The following RLIG1 variants were observed in gnomAD, a reference collection of about 807,000 sequenced individuals.
RLIG1 encodes the protein RNA ligase 1.
At chr12:88,037,150 A>G in the RLIG1 span, among the ~76,000 whole-genome samples, 3 of 152,256 alleles carry the variant, frequency 2.0e-5, no homozygotes, top group Admixed American at 6.5e-5. Flanking sequence ...GAACATATCA[A>G]CCACAATCCT....
chr12:88,047,858 A>G, the RLIG1 span, among the ~76,000 whole-genome samples: 1 of 152,030 alleles, frequency 6.6e-6, no homozygotes, highest in African/African-American at 2.4e-5. Flanking sequence ...ACTCCATTCT[A>G]TCATATAACA....
At chr12:88,050,145 T>G in the RLIG1 span, 85 of 387,700 alleles carry the variant, frequency 2.2e-4, 3 homozygotes, top group South Asian at 5.1e-3. Flanking sequence ...AAAAATAAAT[T>G]TACTACTTAA....
chr12:88,035,574 T>C, the RLIG1 span: 4 of 1,473,234 alleles, frequency 2.7e-6, no homozygotes, highest in Non-Finnish European at 3.7e-6. Flanking sequence ...GGTGACTGCT[T>C]CAGGGCTTCT....
the RLIG1 span, among the ~76,000 whole-genome samples, chr12:88,039,668 C>G: frequency 6.6e-6 from 1 of 152,128 alleles, no homozygotes; most frequent in Non-Finnish European, 1.5e-5. Context: ...ATCCCTCTTT[C>G]CTTTACCCAT....
At chr12:88,042,753 C>T in the RLIG1 span, 6 of 978,052 alleles carry the variant, frequency 6.1e-6, no homozygotes, top group Admixed American at 2.2e-4. Context: ...TGTTGACAAA[C>T]TGTATTCTGA....
chr12:88,038,705 TATG>T, the RLIG1 span, among the ~76,000 whole-genome samples: 1 of 152,214 alleles, frequency 6.6e-6, no homozygotes, highest in Non-Finnish European at 1.5e-5. Context: ...TGTTGAACTT[TATG>T]ATGATACATC....
chr12:88,035,878 A>G, the RLIG1 span: 3 of 1,507,146 alleles, frequency 2.0e-6, no homozygotes, highest in Non-Finnish European at 2.6e-6. Flanking sequence ...TTCCCTGGGG[A>G]GGTCTGGGGT....
chr12:88,045,849 TAA>T, the RLIG1 span: 2 of 1,210,618 alleles, frequency 1.7e-6, no homozygotes. Context: ...TAGGTCAACT[TAA>T]AAAACATACA....
At chr12:88,036,190 A>C in the RLIG1 span, 1 of 739,976 alleles carries the variant, frequency 1.4e-6, no homozygotes, top group Admixed American at 3.0e-5. Flanking sequence ...ACAGTAGCCT[A>C]ATTAGGTCAC....
At chr12:88,048,234 G>A in the RLIG1 span, 1 of 1,543,702 alleles carries the variant, frequency 6.5e-7, no homozygotes, top group Non-Finnish European at 8.7e-7. Flanking sequence ...CTCTTTCCAG[G>A]TCCATCGCCA....
At chr12:88,040,652 T>G in the RLIG1 span, among the ~76,000 whole-genome samples, 1 of 152,192 alleles carries the variant, frequency 6.6e-6, no homozygotes, top group Non-Finnish European at 1.5e-5. Context: ...CGTGTGACCC[T>G]TAAGCTTGTT....
chr12:88,037,833 G>T, the RLIG1 span, among the ~76,000 whole-genome samples: 2 of 152,160 alleles, frequency 1.3e-5, no homozygotes, highest in African/African-American at 2.4e-5. Flanking sequence ...ACAGACTATA[G>T]AAGTGGCATA....
At chr12:88,040,093 CAA>C in the RLIG1 span, 2 of 920,024 alleles carry the variant, frequency 2.2e-6, no homozygotes, top group Non-Finnish European at 3.5e-6. Context: ...AGCATGTGTG[CAA>C]AGACATAGAG....
chr12:88,038,775 A>T, the RLIG1 span, among the ~76,000 whole-genome samples: 1 of 152,208 alleles, frequency 6.6e-6, no homozygotes, highest in Non-Finnish European at 1.5e-5. Flanking sequence ...GAAAATTAAG[A>T]TGCTTTTAAA....
the RLIG1 span, chr12:88,048,579 T>G: frequency 1.2e-5 from 6 of 501,458 alleles, no homozygotes; most frequent in Non-Finnish European, 1.3e-5. Context: ...ATTCAAAATT[T>G]TATTAAAAAC....
chr12:88,048,567 C>G, the RLIG1 span: 6 of 545,336 alleles, frequency 1.1e-5, no homozygotes, highest in African/African-American at 5.9e-5. Context: ...TTTCAAGTAC[C>G]TATTCAAAAT....
the RLIG1 span, among the ~76,000 whole-genome samples, chr12:88,047,164 G>A: frequency 1.3e-5 from 2 of 152,108 alleles, no homozygotes; most frequent in East Asian, 3.9e-4. Context: ...GTATTGTGTG[G>A]GGCATCGATC....
the RLIG1 span, chr12:88,045,351 T>C: frequency 2.3e-4 from 94 of 417,744 alleles, no homozygotes; most frequent in Middle Eastern, 1.3e-3. Flanking sequence ...AAGAGAATGC[T>C]AGGTGCTGTG....
At chr12:88,045,890 A>G in the RLIG1 span, 2 of 801,726 alleles carry the variant, frequency 2.5e-6, no homozygotes, top group Non-Finnish European at 3.9e-6. Flanking sequence ...AACAAATTTG[A>G]GTTAGTTTCC....
Sources: gnomAD v4.1 joint callset for allele counts (sites outside exome capture counted in the v4.1 genomes callset) on GRCh38, gnomAD v4.1.1 for gene constraint, MANE v1.5 for transcripts, NCBI Gene and HGNC (gene_info 2026-07-23, HGNC 2026-07-21) for gene names.